SLC25A4: variants seen among roughly 807,000 people sequenced by gnomAD.
SLC25A4 encodes the protein solute carrier family 25 member 4.
Under a neutral mutation model 24.7 loss-of-function variants are expected in SLC25A4, and 10 were observed. That is an observed-to-expected ratio of 0.41 (90% CI 0.25 to 0.69). The LOEUF (loss-of-function observed/expected upper bound fraction) is 0.69, where lower values mean the gene tolerates loss of function less well. Among genes scored for constraint, SLC25A4 ranks in the 30% least tolerant of loss-of-function variants. SLC25A4 has a pLI of 0.35. For missense variants in SLC25A4, 273 were observed against 387.6 expected (o/e 0.70, Z 2.48); for synonymous variants, 125 against 153.3 (o/e 0.82, Z 1.36).
chr4:185,145,401 G>A lies in SLC25A4; in HGVS notation c.598+151G>A, dbSNP rs2111286222. On this transcript the variant is annotated intron_variant, in intron 2 of 3. Transcript: ENST00000281456. This position sits in a 1 kb window ranked among gnomAD's most constrained non-coding sequence, Gnocchi z 5.5. The stretch of plus-strand genomic sequence containing the variant: ...CTGAATGAGGAGGTGATGTGCATAA[G>A]TTAATAGCTGAAGCGTTCCTTGTGT... 8.5e-7 allele frequency: 1 copy of A among 1,174,542 alleles called. No individual in the cohort carries two copies. The highest frequency in any genetic ancestry group is 1.4e-5 in the South Asian group (1 of 72,598). 72.8% of individuals were successfully genotyped at this position (1,174,542 alleles called of 1,614,324 possible). A position where few individuals can be genotyped will look rare whatever the true frequency, so the allele number is the denominator to read the frequency against.
chr4:185,144,271 A>G (rs1306587086), intron 1 of SLC25A4, among the ~76,000 whole-genome samples: 1 of 152,228 alleles, frequency 6.6e-6, no homozygotes, highest in Non-Finnish European at 1.5e-5. Context: ...CCTAATGTTT[A>G]GTGGATTTAT....
rs746726936 is a variant in SLC25A4 at position 185,145,823 on chromosome 4, G to A, written c.663G>A (p.Thr221=). The stretch of plus-strand genomic sequence containing the variant: ...GCTGGATGATTGCCCAGAGTGTGAC[G>A]GCAGTCGCAGGGCTGGTGTCCTACC... The part of the protein sequence containing the change: ...FVSWMIAQSV[T]AVAGLVSYPF... The change falls in exon 3 of 4, where the codon ACG becomes ACA. Residue 221 remains threonine, a synonymous_variant. Transcript: ENST00000281456. This position sits in a 1 kb window ranked among gnomAD's most constrained non-coding sequence, Gnocchi z 5.5. The A allele has an allele frequency of 1.5e-5, 24 of 1,614,026 alleles. No individual in the cohort carries two copies. The highest frequency in any genetic ancestry group is 1.0e-4 in the Admixed American group (6 of 59,996).
rs1374318489 is a variant in SLC25A4, at chr4:185,147,521, C to G, written c.*550C>G. On this transcript the variant is annotated 3_prime_UTR_variant, in exon 4 of 4. Transcript: ENST00000281456. ...AGAAAGTGATAATGGCTTTCATAATCCTGCCTTGTCTTAGGCACTTTCCTG... is the reference window on the plus strand; with the variant it reads ...AGAAAGTGATAATGGCTTTCATAATGCTGCCTTGTCTTAGGCACTTTCCTG... The G allele has an allele frequency of 6.5e-6, 1 of 154,120 alleles. No individual in the cohort carries two copies. The highest frequency in any genetic ancestry group is 1.4e-5 in the Non-Finnish European group (1 of 69,396). 9.5% of individuals were successfully genotyped at this position (154,120 alleles called of 1,614,324 possible).
At chr4:185,144,483 T>C in intron 1 of SLC25A4, among the ~76,000 whole-genome samples, 1 of 152,166 alleles carries the variant, frequency 6.6e-6, no homozygotes, top group East Asian at 1.9e-4. Flanking sequence ...TAAATGGCTA[T>C]AGCTTTATAT....
chr4:185,145,614 G>T lies in SLC25A4; in HGVS notation c.599-145G>T. The stretch of plus-strand genomic sequence containing the variant: ...AGCAGCCACCTTTGCTGTCTGCCTG[G>T]TCATATGTGAAGCACCTGCACAGGG... On this transcript the variant is annotated intron_variant, in intron 2 of 3. Transcript: ENST00000281456. This position sits in a 1 kb window ranked among gnomAD's most constrained non-coding sequence, Gnocchi z 5.5. 17 of 989,898 alleles carry T rather than the reference G, an allele frequency of 1.7e-5. No individual in the cohort carries two copies. The highest frequency in any genetic ancestry group is 2.6e-5 in the Non-Finnish European group (17 of 664,778). 61.3% of individuals were successfully genotyped at this position (989,898 alleles called of 1,614,324 possible). A position where few individuals can be genotyped will look rare whatever the true frequency, so the allele number is the denominator to read the frequency against.
At position 185,143,292 on chromosome 4, in the gene SLC25A4, G is replaced by A. The variant is rs1579208639; in HGVS notation, c.-81G>A. ...GCCCCCTAGCGTCGCGCAGGGTCGG[G>A]GACTGCGCGGCGGTGCCAGGCCGGG... On this transcript the variant is annotated 5_prime_UTR_variant, in exon 1 of 4. Coordinates refer to ENST00000281456, the MANE Select transcript of SLC25A4 (RefSeq NM_001151.4). 6 of 774,282 alleles carry A rather than the reference G, an allele frequency of 7.7e-6. No individual in the cohort carries two copies. The highest frequency in any genetic ancestry group is 3.4e-5 in the East Asian group (1 of 29,604). 48.0% of individuals were successfully genotyped at this position (774,282 alleles called of 1,614,324 possible).
At position 185,143,350 on chromosome 4, in the gene SLC25A4, G is replaced by A; in HGVS notation, c.-23G>A. ...GAGAGCACGAACGGGCTGCCTGCGG[G>A]CTGAGAGCGTCGAGCTGTCACCATG... On this transcript the variant is annotated 5_prime_UTR_variant, in exon 1 of 4. Coordinates refer to ENST00000281456, the MANE Select transcript of SLC25A4 (RefSeq NM_001151.4). The A allele has an allele frequency of 7.1e-7, 1 of 1,418,088 alleles. No homozygotes were observed. The highest frequency in any genetic ancestry group is 1.2e-5 in the South Asian group (1 of 80,016). The allele number at this position is 1,418,088 out of a possible 1,614,324, so 87.8% of individuals were successfully genotyped here. A position where few individuals can be genotyped will look rare whatever the true frequency, so the allele number is the denominator to read the frequency against.
rs779103031 is a variant in SLC25A4 at position 185,147,795 on chromosome 4, C to A, written c.*824C>A. On this transcript the variant is annotated 3_prime_UTR_variant, in exon 4 of 4. Coordinates refer to ENST00000281456, the MANE Select transcript of SLC25A4 (RefSeq NM_001151.4). ...GGAGTTTGAGACCAGCCTGGCCAAC[C>A]GAGCGAAACCCCATCTCTAATAAAA... The A allele has an allele frequency of 2.0e-5, 3 of 151,880 alleles. No individual in the cohort carries two copies. The highest frequency in any genetic ancestry group is 2.9e-5 in the Non-Finnish European group (2 of 68,006). 9.4% of individuals were successfully genotyped at this position (151,880 alleles called of 1,614,324 possible). A position where few individuals can be genotyped will look rare whatever the true frequency, so the allele number is the denominator to read the frequency against.
At chr4:185,143,858 A>G (rs2111284556) in intron 1 of SLC25A4, among the ~76,000 whole-genome samples, 1 of 152,266 alleles carries the variant, frequency 6.6e-6, no homozygotes, top group East Asian at 1.9e-4. Flanking sequence ...GCACCTTTAC[A>G]ATAAAAACAT....
chr4:185,144,752 C>T lies in SLC25A4; in HGVS notation c.112-12C>T, dbSNP rs1185776440. 1 of 1,613,458 alleles carries T rather than the reference C, an allele frequency of 6.2e-7. No individual in the cohort carries two copies. The highest frequency in any genetic ancestry group is 8.5e-7 in the Non-Finnish European group (1 of 1,179,870). On this transcript the variant is annotated splice_polypyrimidine_tract_variant and intron_variant, in intron 1 of 3. Coordinates refer to ENST00000281456, the MANE Select transcript of SLC25A4 (RefSeq NM_001151.4). ...CTGCCTGTCCTCTGTCACCCACCCT[C>T]CCCTCCACCAGGTCCAGCATGCCAG...
chr4:185,145,781 CG>C lies in SLC25A4; in HGVS notation c.622del (p.Val208CysfsTer5). The C allele has an allele frequency of 6.2e-7, 1 of 1,614,232 alleles. No homozygotes were observed. The highest frequency in any genetic ancestry group is 8.5e-7 in the Non-Finnish European group (1 of 1,180,042). ...AKGMLPDPKN[V>X]HIFVSWMIAQ... Reference sequence around the variant, plus strand: ...CAGGGATGCTGCCTGACCCCAAGAACGTGCACATTTTTGTGAGCTGGATGAT... The same window carrying C: ...CAGGGATGCTGCCTGACCCCAAGAACTGCACATTTTTGTGAGCTGGATGAT... On this transcript the variant is annotated frameshift_variant, in exon 3 of 4. Transcript: ENST00000281456. LOFTEE classifies it high-confidence loss of function. This position sits in a 1 kb window ranked among gnomAD's most constrained non-coding sequence, Gnocchi z 5.5.
intron 3 of SLC25A4, among the ~76,000 whole-genome samples, 153 bp from the exon 4 acceptor site, chr4:185,146,658 AAGG>A (rs1734447118): frequency 6.6e-6 from 1 of 152,332 alleles, no homozygotes; most frequent in Admixed American, 6.5e-5. Context: ...TGAAGCAAGG[AAGG>A]AGATGTCCAG....
chr4:185,143,322 G>A lies in SLC25A4; in HGVS notation c.-51G>A, dbSNP rs1490387402. The A allele has an allele frequency of 1.7e-6, 2 of 1,152,860 alleles. No homozygotes were observed. The highest frequency in any genetic ancestry group is 2.5e-6 in the Non-Finnish European group (2 of 800,938). The allele number at this position is 1,152,860 out of a possible 1,614,324, so 71.4% of individuals were successfully genotyped here. On this transcript the variant is annotated 5_prime_UTR_variant, in exon 1 of 4. Transcript: ENST00000281456. ...GCGCGGCGGTGCCAGGCCGGGCGTGGGCGAGAGCACGAACGGGCTGCCTGC... is the reference window on the plus strand; with the variant it reads ...GCGCGGCGGTGCCAGGCCGGGCGTGAGCGAGAGCACGAACGGGCTGCCTGC...
In SLC25A4 at chr4:185,149,477, G is replaced by C. The variant is rs1734500219; in HGVS notation, c.*2506G>C. 1 of 152,252 alleles carries C rather than the reference G, an allele frequency of 6.6e-6. No individual in the cohort carries two copies. Among genetic ancestry groups the C allele is most frequent in the Non-Finnish European group, 1.5e-5 (1 of 68,108 alleles). 9.4% of individuals were successfully genotyped at this position (152,252 alleles called of 1,614,324 possible). Reference sequence around the variant, plus strand: ...TTACCTCTAATGCACGTTGCCCCAGGCCCTGCTGAGCTAGTTCCTCACCGC... The same window carrying C: ...TTACCTCTAATGCACGTTGCCCCAGCCCCTGCTGAGCTAGTTCCTCACCGC... On this transcript the variant is annotated 3_prime_UTR_variant, in exon 4 of 4. Coordinates refer to ENST00000281456, the MANE Select transcript of SLC25A4 (RefSeq NM_001151.4).
Position 185,144,205 on chromosome 4 carries a change from G to A in SLC25A4, c.112-559G>A, listed in dbSNP as rs1414385063. Among the ~76,000 whole-genome samples, 4 of 152,042 alleles carry A rather than the reference G, an allele frequency of 2.6e-5. No homozygotes were observed. The East Asian group carries it at 5.8e-4, about 22-fold the overall frequency. On this transcript the variant is annotated intron_variant, in intron 1 of 3. Transcript: ENST00000281456. The stretch of plus-strand genomic sequence containing the variant: ...AAAACCCCCACAAATTGCTCACAAC[G>A]GCAGCAAACCCTTAATAATTGATTA...
At position 185,149,585 on chromosome 4, in the gene SLC25A4, C is replaced by T. The variant is rs1342409216; in HGVS notation, c.*2614C>T. 6.6e-6 allele frequency: 1 copy of T among 152,228 alleles called. No individual in the cohort carries two copies. The highest frequency in any genetic ancestry group is 2.4e-5 in the African/African-American group (1 of 41,446). 9.4% of individuals were successfully genotyped at this position (152,228 alleles called of 1,614,324 possible). ...TGGCGGGAGAACAGGCAGTACTTCCCTCACTAACCTACCCGCACGCCATAC... is the reference window on the plus strand; with the variant it reads ...TGGCGGGAGAACAGGCAGTACTTCCTTCACTAACCTACCCGCACGCCATAC... On this transcript the variant is annotated 3_prime_UTR_variant, in exon 4 of 4. Transcript: ENST00000281456.
chr4:185,143,834 C>T (rs1232316889), intron 1 of SLC25A4, among the ~76,000 whole-genome samples: 1 of 152,072 alleles, frequency 6.6e-6, no homozygotes, highest in Non-Finnish European at 1.5e-5. Flanking sequence ...TTTTTGGCAC[C>T]GTCTTATGCG....
In SLC25A4 at chr4:185,147,117, C is replaced by T. The variant is rs1734455379; in HGVS notation, c.*146C>T. 6 of 660,586 alleles carry T rather than the reference C, an allele frequency of 9.1e-6. No individual in the cohort carries two copies. Among genetic ancestry groups the T allele is most frequent in the Non-Finnish European group, 1.3e-5 (5 of 383,502 alleles). The allele number at this position is 660,586 out of a possible 1,614,324, so 40.9% of individuals were successfully genotyped here. A position where few individuals can be genotyped will look rare whatever the true frequency, so the allele number is the denominator to read the frequency against. On this transcript the variant is annotated 3_prime_UTR_variant, in exon 4 of 4. Coordinates refer to ENST00000281456, the MANE Select transcript of SLC25A4 (RefSeq NM_001151.4). ...TGAAAGGAATACCTCAGAAGAGATG[C>T]TTCATTGAGTGTTCATTAAACCACA...
intron 3 of SLC25A4, among the ~76,000 whole-genome samples, chr4:185,146,371 A>G (rs1734443315): frequency 6.6e-6 from 1 of 152,230 alleles, no homozygotes; most frequent in Non-Finnish European, 1.5e-5. Context: ...TTGCCACTTT[A>G]AAAGTCAAAA....
Sources: allele counts gnomAD v4.1 joint callset (sites outside exome capture counted in the v4.1 genomes callset), GRCh38; gene constraint gnomAD v4.1.1; non-coding constraint Gnocchi (gnomAD v3.1); transcripts MANE v1.5; gene names NCBI Gene and HGNC (gene_info 2026-07-23, HGNC 2026-07-21).